Variants in TBPL1 observed in about 807,000 individuals in gnomAD.
TBPL1 encodes the protein TATA-box binding protein like 1, also known as TATA box-binding protein-like 1.
Under a neutral mutation model 22.1 loss-of-function variants are expected in TBPL1, and 4 were observed. That is an observed-to-expected ratio of 0.18 (90% confidence interval 0.09 to 0.41). The LOEUF (loss-of-function observed/expected upper bound fraction) is 0.41. Ranked by LOEUF, TBPL1 falls within the 10% of genes least tolerant of loss-of-function variation. The pLI, the probability that TBPL1 is intolerant of heterozygous loss-of-function variation, is 1.00. For missense variants in TBPL1, 115 were observed against 222.3 expected, an observed-to-expected ratio of 0.52 and a Z score of 3.07; for synonymous variants, 64 against 71.0, an observed-to-expected ratio of 0.90 and a Z score of 0.50.
rs1582584229 is a variant in TBPL1, at chr6:133,982,752, T to A, written c.219-65T>A. 42 of 1,585,718 alleles carry A rather than the reference T, an allele frequency of 2.6e-5. No individual in the cohort carries two copies. In the East Asian group the frequency reaches 9.4e-4, roughly 36 times the overall value. Reference sequence around the variant, plus strand: ...GCAAAATCATATGTAAAGTTTGTTATGTTCCTCAGTATAACATTTATTTCC... The same window carrying A: ...GCAAAATCATATGTAAAGTTTGTTAAGTTCCTCAGTATAACATTTATTTCC... On this transcript the variant is annotated intron_variant, in intron 3 of 6. Coordinates refer to ENST00000237264, the MANE Select transcript of TBPL1 (RefSeq NM_004865.4).
At chr6:133,973,620 G>A (rs1562662146) in intron 1 of TBPL1, among the ~76,000 whole-genome samples, 1 of 152,194 alleles carries the variant, frequency 6.6e-6, no homozygotes, top group Non-Finnish European at 1.5e-5. Context: ...AGTTGCTGGA[G>A]TAATGTTTTT....
intron 1 of TBPL1, among the ~76,000 whole-genome samples, chr6:133,973,336 T>G (rs2114360873): frequency 6.6e-6 from 1 of 152,316 alleles, no homozygotes; most frequent in African/African-American, 2.4e-5. Flanking sequence ...GTTAGAACCT[T>G]AGGGCCCATT....
At chr6:133,982,957 CAAG>C in intron 4 of TBPL1, 77 bp downstream of exon 4, 1 of 1,330,204 alleles carries the variant, frequency 7.5e-7, no homozygotes, top group South Asian at 1.4e-5. Context: ...GTAATAGACT[CAAG>C]AAATCACTAT....
At chr6:133,972,251 A>AT in intron 1 of TBPL1, among the ~76,000 whole-genome samples, 1 of 152,236 alleles carries the variant, frequency 6.6e-6, no homozygotes, top group East Asian at 1.9e-4. Context: ...TTCTAACAAA[A>AT]TTAACAGTAA....
At chr6:133,956,509 CT>C (rs1444030394) in intron 1 of TBPL1, among the ~76,000 whole-genome samples, 1 of 152,146 alleles carries the variant, frequency 6.6e-6, no homozygotes, top group Non-Finnish European at 1.5e-5. Context: ...GGTGAATGGA[CT>C]TCATCATGCC....
At chr6:133,986,858 A>T in intron 6 of TBPL1, 103 bp from the exon 7 acceptor site, 1 of 677,536 alleles carries the variant, frequency 1.5e-6, no homozygotes, top group Non-Finnish European at 2.4e-6. Flanking sequence ...AGTTAACTTG[A>T]TATTCTATAC....
intron 1 of TBPL1, among the ~76,000 whole-genome samples, chr6:133,963,282 C>T (rs1352814213): frequency 6.6e-6 from 1 of 152,090 alleles, no homozygotes; most frequent in Non-Finnish European, 1.5e-5. Context: ...GGTGTTTCAA[C>T]CCAGTCGTTC....
intron 3 of TBPL1, 79 bp from the exon 4 acceptor site, chr6:133,982,738 T>C: frequency 1.9e-6 from 3 of 1,584,074 alleles, no homozygotes; most frequent in Admixed American, 1.8e-5. Context: ...CAAAATCATA[T>C]GTAAAGTTTG....
At chr6:133,963,740 T>G (rs1389657632) in intron 1 of TBPL1, among the ~76,000 whole-genome samples, 3 of 151,384 alleles carry the variant, frequency 2.0e-5, no homozygotes, top group African/African-American at 7.3e-5. Flanking sequence ...TTCTTGATCG[T>G]TAAGAACCGG....
chr6:133,983,478 A>G (rs763482189), intron 4 of TBPL1, among the ~76,000 whole-genome samples: 6 of 152,236 alleles, frequency 3.9e-5, no homozygotes, highest in Non-Finnish European at 8.8e-5. Context: ...AAGTGGGGAT[A>G]GGAAGTTACC....
At chr6:133,964,593 G>A (rs1054229435) in intron 1 of TBPL1, among the ~76,000 whole-genome samples, 2 of 151,260 alleles carry the variant, frequency 1.3e-5, no homozygotes, top group Non-Finnish European at 3.0e-5. Context: ...GGGACTACAG[G>A]TGCCTGCCAC....
intron 6 of TBPL1, 45 bp from the exon 7 acceptor site, chr6:133,986,916 C>T: frequency 7.2e-7 from 1 of 1,398,598 alleles, no homozygotes; most frequent in Non-Finnish European, 9.8e-7. Flanking sequence ...CTAGTGCTCC[C>T]TTTTCCAACT....
At chr6:133,962,768 A>G (rs1271947845) in intron 1 of TBPL1, among the ~76,000 whole-genome samples, 2 of 152,226 alleles carry the variant, frequency 1.3e-5, no homozygotes, top group Admixed American at 6.5e-5. Context: ...TATTGGTAAT[A>G]TGAAAAAAAC....
rs576012788 is a variant in TBPL1 at position 133,978,133 on chromosome 6, T to A, written c.-44-1949T>A. On this transcript the variant is annotated intron_variant, in intron 1 of 6. Coordinates refer to ENST00000237264, the MANE Select transcript of TBPL1 (RefSeq NM_004865.4). ...TATGAAGGCAAGGTGGAATGGATGT[T>A]GGGGTAAGCAGCCAGGAGCCTAGCA... 3.2e-4 allele frequency among the ~76,000 whole-genome samples: 48 copies of A among 152,278 alleles called. No homozygotes were observed. In the South Asian group the frequency reaches 9.5e-3, roughly 30 times the overall value.
At chr6:133,972,546 A>G (rs1184160294) in intron 1 of TBPL1, among the ~76,000 whole-genome samples, 21 of 152,164 alleles carry the variant, frequency 1.4e-4, no homozygotes, top group Non-Finnish European at 1.5e-5. Context: ...TCTTGTCACA[A>G]CTACTCAGTT....
intron 1 of TBPL1, among the ~76,000 whole-genome samples, chr6:133,957,055 A>C (rs946397408): frequency 7.9e-5 from 12 of 152,226 alleles, no homozygotes; most frequent in Non-Finnish European, 1.2e-4. Context: ...GAAAGGAATC[A>C]GGTCACATCA....
chr6:133,982,520 A>G (rs76436346), intron 2 of TBPL1, 48 bp from the exon 3 acceptor site: 1 of 1,538,750 alleles, frequency 6.5e-7, no homozygotes, highest in Non-Finnish European at 8.9e-7. Context: ...ACAGAACCTT[A>G]TGTGAAAAAT....
intron 1 of TBPL1, among the ~76,000 whole-genome samples, chr6:133,963,070 C>A (rs1451020440): frequency 1.3e-5 from 2 of 152,126 alleles, no homozygotes; most frequent in Non-Finnish European, 2.9e-5. Flanking sequence ...ATGAGCCATT[C>A]ATTTGTAACA....
At chr6:133,955,745 G>T (rs1380540859) in intron 1 of TBPL1, among the ~76,000 whole-genome samples, 3 of 152,170 alleles carry the variant, frequency 2.0e-5, no homozygotes, top group Admixed American at 6.5e-5. Flanking sequence ...TGTAGAGCCT[G>T]TTCTGTGTTT....
Sources: gnomAD v4.1 joint callset for allele counts (sites outside exome capture counted in the v4.1 genomes callset) on GRCh38, gnomAD v4.1.1 for gene constraint, MANE v1.5 for transcripts, NCBI Gene and HGNC (gene_info 2026-07-23, HGNC 2026-07-21) for gene names.